The following CNNM1 variants were observed in gnomAD, a reference collection of about 807,000 sequenced individuals.
CNNM1 encodes the protein cyclin and CBS domain divalent metal cation transport mediator 1.
Under a neutral mutation model 78.8 loss-of-function variants are expected in CNNM1, and 44 were observed. That is an observed-to-expected ratio of 0.56 (90% CI 0.44 to 0.72). CNNM1 has a LOEUF of 0.72. CNNM1 is among the 30% of genes least tolerant of loss of function. The pLI is 0.00. For synonymous variants in CNNM1, 584 were observed against 581.5 expected (o/e 1.00, Z -0.06); for missense variants, 1,101 against 1,292.2 (o/e 0.85, Z 2.27).
chr10:99,347,043 G>A (rs2030724393), intron 1 of CNNM1, among the ~76,000 whole-genome samples: 1 of 152,142 alleles, frequency 6.6e-6, no homozygotes, highest in Non-Finnish European at 1.5e-5. Flanking sequence ...AGCAGGCACT[G>A]GAGGAGGGAG....
At chr10:99,361,680 A>G (rs2031439633) in intron 3 of CNNM1, among the ~76,000 whole-genome samples, 1 of 152,236 alleles carries the variant, frequency 6.6e-6, no homozygotes, top group Admixed American at 6.5e-5. Context: ...AGCCTATGTT[A>G]TATAAGTAAT....
intron 3 of CNNM1, among the ~76,000 whole-genome samples, chr10:99,361,648 A>G (rs1423282439): frequency 6.6e-6 from 1 of 152,238 alleles, no homozygotes; most frequent in East Asian, 1.9e-4. Context: ...CTGAGTACAG[A>G]TTTCTTTTAA....
chr10:99,357,916 G>A (rs774279287), intron 2 of CNNM1, among the ~76,000 whole-genome samples: 8 of 152,148 alleles, frequency 5.3e-5, no homozygotes, highest in Non-Finnish European at 1.5e-5. Flanking sequence ...AGACCTCCCA[G>A]CCTTTGGATA....
intron 3 of CNNM1, among the ~76,000 whole-genome samples, 170 bp from the exon 4 acceptor site, chr10:99,362,057 G>A (rs571493513): frequency 2.6e-5 from 4 of 152,298 alleles, no homozygotes; most frequent in African/African-American, 9.6e-5. Context: ...GCACACTTGG[G>A]ATTAGGATCC....
At chr10:99,381,329 G>C (rs945600306) in intron 7 of CNNM1, among the ~76,000 whole-genome samples, 1 of 149,710 alleles carries the variant, frequency 6.7e-6, no homozygotes, top group East Asian at 2.0e-4. Flanking sequence ...CAGGAGAATC[G>C]CTTCAACCCA....
At position 99,329,694 on chromosome 10, in the gene CNNM1, G is replaced by A; in HGVS notation, c.307G>A (p.Ala103Thr). 2 of 1,547,852 alleles carry A rather than the reference G, an allele frequency of 1.3e-6. No homozygotes were observed. Among genetic ancestry groups the A allele is most frequent in the East Asian group, 5.1e-5 (2 of 39,262 alleles). The change falls in exon 1 of 11, where the codon GCT becomes ACT. Residue 103 changes from alanine (A) to threonine (T), a missense_variant. Transcript: ENST00000356713. Reference sequence around the variant, plus strand: ...GGGGGAGAATGGCACCGGCGACTGGGCTCCGCGGCTCGTGTTCATCGAGGA... The same window carrying A: ...GGGGGAGAATGGCACCGGCGACTGGACTCCGCGGCTCGTGTTCATCGAGGA... The part of the protein sequence containing the change: ...NSGENGTGDW[A>T]PRLVFIEEPP...
chr10:99,354,026 A>G (rs2031040441), intron 1 of CNNM1, among the ~76,000 whole-genome samples: 1 of 152,186 alleles, frequency 6.6e-6, no homozygotes, highest in Non-Finnish European at 1.5e-5. Context: ...AGTGGTAGGG[A>G]GTATGGCTGT....
chr10:99,343,954 C>A (rs1390887540), intron 1 of CNNM1, among the ~76,000 whole-genome samples: 1 of 151,128 alleles, frequency 6.6e-6, no homozygotes, highest in Non-Finnish European at 1.5e-5. Context: ...AACTCCTGAC[C>A]TCAGGTGATC....
chr10:99,363,445 T>C (rs2134052214), intron 4 of CNNM1, among the ~76,000 whole-genome samples: 1 of 152,318 alleles, frequency 6.6e-6, no homozygotes, highest in Middle Eastern at 3.4e-3. Context: ...TGGAATAAAA[T>C]GTAGTAGCAA....
intron 1 of CNNM1, among the ~76,000 whole-genome samples, chr10:99,341,414 C>T (rs943024050): frequency 3.9e-5 from 6 of 152,038 alleles, no homozygotes; most frequent in African/African-American, 1.4e-4. Flanking sequence ...GATATAAATG[C>T]AGTGCTGAAC....
Position 99,330,583 on chromosome 10 carries a change from A to T in CNNM1, c.1196A>T (p.Glu399Val). 1 of 1,611,296 alleles carries T rather than the reference A, an allele frequency of 6.2e-7. No homozygotes were observed. The highest frequency in any genetic ancestry group is 8.5e-7 in the Non-Finnish European group (1 of 1,178,784). Residue 399 changes from glutamate (E) to valine (V), a missense_variant, in exon 1 of 11, where the codon GAG becomes GTG. Glu to Val is a moderately radical substitution (Grantham distance 121). This residue lies in a region of CNNM1 where 277 missense variants were observed against 423.2 expected (regional missense o/e 0.65). Coordinates refer to ENST00000356713, the MANE Select transcript of CNNM1 (RefSeq NM_020348.3). ...STFYTREKLL[E>V]TLRAADPYSD... The stretch of plus-strand genomic sequence containing the variant: ...TTCTACACGCGGGAGAAGTTGCTGG[A>T]GACGTTGCGGGCCGCAGACCCCTAC...
intron 1 of CNNM1, among the ~76,000 whole-genome samples, chr10:99,342,843 A>G (rs2030513702): frequency 6.6e-6 from 1 of 152,208 alleles, no homozygotes; most frequent in African/African-American, 2.4e-5. Context: ...ATCATTGCAA[A>G]GAAGTATCCT....
chr10:99,375,472 A>G (rs1245217413), intron 6 of CNNM1, among the ~76,000 whole-genome samples: 1 of 152,192 alleles, frequency 6.6e-6, no homozygotes, highest in African/African-American at 2.4e-5. Context: ...AACTGCATAT[A>G]AGTGGATGAC....
chr10:99,390,548 GA>G, intron 10 of CNNM1, 141 bp downstream of exon 10: 1 of 660,896 alleles, frequency 1.5e-6, no homozygotes, highest in Non-Finnish European at 2.7e-6. Context: ...GAAATCCGCA[GA>G]AGGGGTTGGG....
chr10:99,389,162 T>TC (rs2032394738), intron 9 of CNNM1, among the ~76,000 whole-genome samples: 1 of 152,076 alleles, frequency 6.6e-6, no homozygotes, highest in Admixed American at 6.5e-5. Flanking sequence ...ATGCCTGTAA[T>TC]CCCAGCACTT....
chr10:99,374,979 T>A (rs900242469), intron 6 of CNNM1, among the ~76,000 whole-genome samples: 3 of 152,202 alleles, frequency 2.0e-5, no homozygotes, highest in African/African-American at 7.2e-5. Context: ...AGACAAGGTC[T>A]TCAGAGAAGG....
chr10:99,374,258 T>C (rs2031898350), intron 6 of CNNM1, among the ~76,000 whole-genome samples: 1 of 152,236 alleles, frequency 6.6e-6, no homozygotes, highest in African/African-American at 2.4e-5. Flanking sequence ...TCACTGTCCC[T>C]GTCCCCGTCA....
intron 9 of CNNM1, among the ~76,000 whole-genome samples, chr10:99,389,867 C>G (rs548302294): frequency 6.6e-6 from 1 of 152,270 alleles, no homozygotes; most frequent in East Asian, 1.9e-4. Context: ...CCATTGAGTC[C>G]TGCGGGAGAA....
In CNNM1 at chr10:99,391,594, C is replaced by T. The variant is rs2032474215; in HGVS notation, c.*78C>T. 8.4e-7 allele frequency: 1 copy of T among 1,189,938 alleles called. No homozygotes were observed. The highest frequency in any genetic ancestry group is 1.5e-5 in the African/African-American group (1 of 66,118). The allele number at this position is 1,189,938 out of a possible 1,614,324, so 73.7% of individuals were successfully genotyped here. A position where few individuals can be genotyped will look rare whatever the true frequency, so the allele number is the denominator to read the frequency against. ...GAATCCACCCTCCCATCATCTGCTT[C>T]CCCCAAGGCCTCCCACAGGTGACAG... On this transcript the variant is annotated 3_prime_UTR_variant, in exon 11 of 11. Transcript: ENST00000356713.
Sources: allele counts gnomAD v4.1 joint callset (sites outside exome capture counted in the v4.1 genomes callset), GRCh38; gene constraint gnomAD v4.1.1; regional missense constraint gnomAD v4.1.1; transcripts MANE v1.5; gene names NCBI Gene and HGNC (gene_info 2026-07-23, HGNC 2026-07-21).